The following GPC6 variants were observed in gnomAD, a reference collection of about 807,000 sequenced individuals.
The protein encoded by GPC6 is glypican 6.
Under a neutral mutation model 55.2 loss-of-function variants are expected in GPC6, and 14 were observed. That is an observed-to-expected ratio of 0.25 (90% CI 0.17 to 0.40). The LOEUF is 0.40. Ranked by LOEUF, GPC6 falls within the 10% of genes least tolerant of loss-of-function variation. GPC6 has a pLI of 1.00. For missense variants in GPC6, 641 were observed against 708.5 expected (o/e 0.90, Z 1.08); for synonymous variants, 278 against 259.6 (o/e 1.07, Z -0.68).
chr13:94,068,780 A>G (rs892969892), intron 4 of GPC6, among the ~76,000 whole-genome samples: 1 of 152,182 alleles, frequency 6.6e-6, no homozygotes, highest in Non-Finnish European at 1.5e-5. Context: ...TCTATGTCTC[A>G]CATCCAGGTC....
intron 3 of GPC6, among the ~76,000 whole-genome samples, chr13:93,887,377 A>G (rs1007602576): frequency 8.5e-5 from 13 of 152,076 alleles, no homozygotes; most frequent in Non-Finnish European, 1.6e-4. Flanking sequence ...AGTAATTTTA[A>G]TACTTATTAA....
chr13:93,902,285 ATGAG>A (rs1253699430), intron 3 of GPC6, among the ~76,000 whole-genome samples: 1 of 152,030 alleles, frequency 6.6e-6, no homozygotes, highest in Non-Finnish European at 1.5e-5. Flanking sequence ...GATTCCACAT[ATGAG>A]TGAGATCATG....
chr13:94,039,433 G>A (rs1262892905), intron 4 of GPC6, among the ~76,000 whole-genome samples: 1 of 151,896 alleles, frequency 6.6e-6, no homozygotes, highest in East Asian at 1.9e-4. Flanking sequence ...AAATTTATAG[G>A]ACTCCGGGTC....
At position 93,960,032 on chromosome 13, in the gene GPC6, G is replaced by A. The variant is rs142157831; in HGVS notation, c.712-67697G>A. On this transcript the variant is annotated intron_variant, in intron 3 of 8. Transcript: ENST00000377047. ...GGTAATCTCCCTCACCCTCAGGCAC[G>A]TTTCTCTGTAGACTCCACATCTTCT... Among the ~76,000 whole-genome samples, 365 of 152,188 alleles carry A rather than the reference G, an allele frequency of 2.4e-3. 2 individuals carry two copies. The highest frequency in any genetic ancestry group is 5.7e-3 in the Admixed American group (87 of 15,298).
intron 4 of GPC6, among the ~76,000 whole-genome samples, chr13:94,165,798 G>A (rs1888348843): frequency 6.6e-6 from 1 of 151,954 alleles, no homozygotes. Flanking sequence ...TTATATATTA[G>A]ATCAGAATAA....
In GPC6 at chr13:94,377,842, T is replaced by C. The variant is rs578220076; in HGVS notation, c.1153-4572T>C. ...CTGGATTAAGAAATTGTGGCACATATACACCATGGAATACTATGCAGCCAT... is the reference window on the plus strand; with the variant it reads ...CTGGATTAAGAAATTGTGGCACATACACACCATGGAATACTATGCAGCCAT... On this transcript the variant is annotated intron_variant, in intron 6 of 8. Coordinates refer to ENST00000377047, the MANE Select transcript of GPC6 (RefSeq NM_005708.5). 2.6e-5 allele frequency among the ~76,000 whole-genome samples: 4 copies of C among 152,238 alleles called. No individual in the cohort carries two copies. In the South Asian group the frequency reaches 6.2e-4, roughly 24 times the overall value.
rs1280699292 is a variant in GPC6, at chr13:94,256,911, G to T, written c.878-29438G>T. Among the ~76,000 whole-genome samples, 3 of 152,258 alleles carry T rather than the reference G, an allele frequency of 2.0e-5. No homozygotes were observed. In the Middle Eastern group the frequency reaches 0.01, roughly 518 times the overall value. ...CTTTGTGTCAATCACATACTAAAAA[G>T]CACCAGGATAGCACAGCGATCTGCC... On this transcript the variant is annotated intron_variant, in intron 4 of 8. Coordinates refer to ENST00000377047, the MANE Select transcript of GPC6 (RefSeq NM_005708.5).
Position 93,661,299 on chromosome 13 carries a change from C to T in GPC6, c.319+115878C>T, listed in dbSNP as rs535245523. On this transcript the variant is annotated intron_variant, in intron 2 of 8. Transcript: ENST00000377047. ...AGCAATCTTGGCTCGCTGCAACCTC[C>T]GCCTCCTGGTTTCAAGCGATTCTCC... Among the ~76,000 whole-genome samples the T allele has an allele frequency of 4.6e-5, 7 of 152,100 alleles. No individual in the cohort carries two copies. The South Asian group carries it at 6.2e-4, about 14-fold the overall frequency.
At chr13:94,073,949 A>G (rs922146003) in intron 4 of GPC6, among the ~76,000 whole-genome samples, 5 of 152,180 alleles carry the variant, frequency 3.3e-5, no homozygotes, top group African/African-American at 7.2e-5. Flanking sequence ...TAGCAAAAAT[A>G]AGTACGATAA....
intron 4 of GPC6, among the ~76,000 whole-genome samples, chr13:94,208,121 A>G (rs565686255): frequency 1.3e-5 from 2 of 152,296 alleles, no homozygotes; most frequent in South Asian, 4.1e-4. Flanking sequence ...CATTTATTCA[A>G]TAAGCATTTA....
intron 4 of GPC6, among the ~76,000 whole-genome samples, chr13:94,182,038 C>T (rs1476396805): frequency 6.6e-6 from 1 of 152,124 alleles, no homozygotes; most frequent in Non-Finnish European, 1.5e-5. Context: ...GATAGCTGAG[C>T]CACGCAATGT....
intron 1 of GPC6, among the ~76,000 whole-genome samples, chr13:93,383,591 G>A (rs747195676): frequency 6.6e-6 from 1 of 152,124 alleles, no homozygotes; most frequent in Non-Finnish European, 1.5e-5. Context: ...TTACTTATGT[G>A]TAGTTTAATA....
At chr13:93,932,973 C>CTT (rs59362571) in intron 3 of GPC6, among the ~76,000 whole-genome samples, 37 of 102,360 alleles carry the variant, frequency 3.6e-4, no homozygotes, top group Non-Finnish European at 5.2e-4. Flanking sequence ...TTGTTTTGTT[C>CTT]TTTTTTTTTT....
intron 1 of GPC6, among the ~76,000 whole-genome samples, chr13:93,239,995 T>A (rs1016474599): frequency 5.3e-5 from 8 of 152,146 alleles, no homozygotes; most frequent in South Asian, 2.1e-4. Flanking sequence ...TCTGAGAAGA[T>A]GCCTGATATG....
intron 2 of GPC6, among the ~76,000 whole-genome samples, chr13:93,769,223 GA>G (rs1264575550): frequency 6.6e-6 from 1 of 152,088 alleles, no homozygotes; most frequent in Non-Finnish European, 1.5e-5. Flanking sequence ...TGTGAGAACA[GA>G]AGGAAAATTT....
intron 1 of GPC6, among the ~76,000 whole-genome samples, chr13:93,293,431 CG>C (rs1252783567): frequency 6.6e-6 from 1 of 152,072 alleles, no homozygotes; most frequent in Non-Finnish European, 1.5e-5. Context: ...TTACTTGAAA[CG>C]TTGTTACATT....
chr13:93,428,660 C>T (rs898596815), intron 1 of GPC6, among the ~76,000 whole-genome samples: 1 of 152,044 alleles, frequency 6.6e-6, no homozygotes, highest in Admixed American at 6.6e-5. Context: ...TGCATTAGCA[C>T]CTCTGAGATT....
At chr13:93,252,497 A>G (rs969661679) in intron 1 of GPC6, among the ~76,000 whole-genome samples, 1 of 152,178 alleles carries the variant, frequency 6.6e-6, no homozygotes, top group African/African-American at 2.4e-5. Context: ...ACCCTGTTGA[A>G]AGTTCTCTTC....
At chr13:93,316,200 C>A (rs978689402) in intron 1 of GPC6, among the ~76,000 whole-genome samples, 2 of 152,010 alleles carry the variant, frequency 1.3e-5, no homozygotes, top group East Asian at 3.9e-4. Flanking sequence ...ATTTGATGAA[C>A]CTTGCTCTTT....
Sources: gnomAD v4.1 joint callset for allele counts (sites outside exome capture counted in the v4.1 genomes callset) on GRCh38, gnomAD v4.1.1 for gene constraint, MANE v1.5 for transcripts, NCBI Gene and HGNC (gene_info 2026-07-23, HGNC 2026-07-21) for gene names.